ZIC2: variants seen among roughly 807,000 people sequenced by gnomAD.
ZIC2 encodes Zic family zinc finger 2, also known as zinc finger protein ZIC 2.
ZIC2 carries 7 observed loss-of-function variants against 29.5 expected under a neutral mutation model. That is an observed-to-expected ratio of 0.24 (90% CI 0.14 to 0.45). The LOEUF is 0.45. ZIC2 is among the 20% of genes least tolerant of loss of function. ZIC2 has a pLI of 1.00. For synonymous variants in ZIC2, 408 were observed against 354.2 expected, an observed-to-expected ratio of 1.15 and a Z score of -1.70; for missense variants, 589 against 781.2, an observed-to-expected ratio of 0.75 and a Z score of 2.93.
Position 99,982,334 on chromosome 13 carries a change from G to C in ZIC2, c.270G>C (p.Ala90=). The C allele has an allele frequency of 1.4e-6, 2 of 1,465,096 alleles. No homozygotes were observed. Among genetic ancestry groups the C allele is most frequent in the Non-Finnish European group, 1.8e-6 (2 of 1,111,286 alleles). The allele number at this position is 1,465,096 out of a possible 1,614,324, so 90.8% of individuals were successfully genotyped here. A position where few individuals can be genotyped will look rare whatever the true frequency, so the allele number is the denominator to read the frequency against. Residue 90 remains alanine (A), a synonymous_variant, in exon 1 of 3, where the codon GCG becomes GCC. Transcript: ENST00000376335. Reference sequence around the variant, plus strand: ...CCGGCGCCTACCCCGGCTCCGCTGCGGCTGCCGCTGCGGCCGCAGCGCTCG... The same window carrying C: ...CCGGCGCCTACCCCGGCTCCGCTGCCGCTGCCGCTGCGGCCGCAGCGCTCG... ...QGPGAYPGSA[A]AAAAAAALGP...
Position 99,982,808 on chromosome 13 carries a change from G to T in ZIC2, c.744G>T (p.Arg248=), listed in dbSNP as rs773487576. 2.5e-6 allele frequency: 4 copies of T among 1,611,704 alleles called. No individual in the cohort carries two copies. In the South Asian group the frequency reaches 3.3e-5, roughly 13 times the overall value. ...CCGGTGCCTTTTTCCGCTATATGCG[G>T]CAGCAGTGCATCAAGCAGGAGCTAA... ...HHPGAFFRYM[R]QQCIKQELIC... Residue 248 remains arginine, a synonymous_variant, in exon 1 of 3, where the codon CGG becomes CGT. Transcript: ENST00000376335.
chr13:99,985,853 A>T lies in ZIC2; in HGVS notation c.*171A>T, dbSNP rs867490279. On this transcript the variant is annotated 3_prime_UTR_variant, in exon 3 of 3. Transcript: ENST00000376335. The surrounding 1 kb of genome is among the most constrained non-coding windows in gnomAD (Gnocchi z 6.3). ...TTTTTAAAGTTTTTTTTTTTTTTTT[A>T]ATAATAATCTAGGCATGAAGAGCAA... 3.4e-4 allele frequency: 51 copies of T among 149,694 alleles called. No homozygotes were observed. Among genetic ancestry groups the T allele is most frequent in the Admixed American group, 1.0e-3 (12 of 11,764 alleles). The allele number at this position is 149,694 out of a possible 1,614,324, so 9.3% of individuals were successfully genotyped here.
At chr13:99,984,506 G>A (rs753486163) in intron 1 of ZIC2, 18 of 252,136 alleles carry the variant, frequency 7.1e-5, no homozygotes, top group Non-Finnish European at 1.1e-4. Flanking sequence ...ACAACACGTA[G>A]CAACTCCAAA....
At position 99,983,747 on chromosome 13, in the gene ZIC2, G is replaced by T. The variant is rs1195097399; in HGVS notation, c.1075+608G>T. ...AGCAGTTTGTGAAATTCTCTAATGGGCACCACAGAGTTTGCGATTCCCAAC... is the reference window on the plus strand; with the variant it reads ...AGCAGTTTGTGAAATTCTCTAATGGTCACCACAGAGTTTGCGATTCCCAAC... On this transcript the variant is annotated intron_variant, in intron 1 of 2. Transcript: ENST00000376335. This position sits in a 1 kb window ranked among gnomAD's most constrained non-coding sequence, Gnocchi z 4.7. Among the ~76,000 whole-genome samples the T allele has an allele frequency of 6.6e-6, 1 of 152,144 alleles. No individual in the cohort carries two copies. The highest frequency in any genetic ancestry group is 1.5e-5 in the Non-Finnish European group (1 of 68,020).
intron 1 of ZIC2, 183 bp from the exon 2 acceptor site, chr13:99,984,763 A>G: frequency 1.5e-6 from 1 of 659,674 alleles, no homozygotes. Context: ...AATGAGCAGG[A>G]CTGTCGGGCG....
At position 99,986,015 on chromosome 13, in the gene ZIC2, C is replaced by G; in HGVS notation, c.*333C>G. 2.2e-6 allele frequency: 1 copy of G among 455,402 alleles called. No individual in the cohort carries two copies. The highest frequency in any genetic ancestry group is 4.4e-6 in the Non-Finnish European group (1 of 226,820). The allele number at this position is 455,402 out of a possible 1,614,324, so 28.2% of individuals were successfully genotyped here. ...CGTTCTTTCCCACCCTGTTCCCAGT[C>G]TTCTGACAAACTGTGTACATAGCGG... On this transcript the variant is annotated 3_prime_UTR_variant, in exon 3 of 3. Transcript: ENST00000376335.
chr13:99,984,878 C>T (rs561915299), intron 1 of ZIC2, 68 bp from the exon 2 acceptor site: 4 of 1,609,606 alleles, frequency 2.5e-6, no homozygotes, highest in African/African-American at 2.7e-5. Context: ...CCAGCCCCCT[C>T]GCAGCCTGAG....
At position 99,982,263 on chromosome 13, in the gene ZIC2, C is replaced by G; in HGVS notation, c.199C>G (p.His67Asp). The part of the protein sequence containing the change: ...MGAFKLNPGA[H>D]ELSPGQSSAF... ...AGCCTTCAAGCTCAACCCGGGCGCG[C>G]ACGAGCTGTCCCCGGGCCAGAGCTC... The change falls in exon 1 of 3, where the codon CAC becomes GAC. Residue 67 changes from histidine to aspartate, a missense_variant. Physicochemically the swap from His to Asp is moderately conservative, Grantham distance 81. Coordinates refer to ENST00000376335, the MANE Select transcript of ZIC2 (RefSeq NM_007129.5). 6.6e-7 allele frequency: 1 copy of G among 1,505,156 alleles called. No homozygotes were observed. Among genetic ancestry groups the G allele is most frequent in the Non-Finnish European group, 8.8e-7 (1 of 1,132,650 alleles). The allele number at this position is 1,505,156 out of a possible 1,614,324, so 93.2% of individuals were successfully genotyped here.
In ZIC2 at chr13:99,985,775, T is replaced by A; in HGVS notation, c.*93T>A. On this transcript the variant is annotated 3_prime_UTR_variant, in exon 3 of 3. Transcript: ENST00000376335. The surrounding 1 kb of genome is among the most constrained non-coding windows in gnomAD (Gnocchi z 6.3). ...CGAGGGCACCTTGTGATCATGTTGTTAAAATTATGAATCTGATTTTTATGA... is the reference window on the plus strand; with the variant it reads ...CGAGGGCACCTTGTGATCATGTTGTAAAAATTATGAATCTGATTTTTATGA... 1 of 663,482 alleles carries A rather than the reference T, an allele frequency of 1.5e-6. No homozygotes were observed. Among genetic ancestry groups the A allele is most frequent in the Non-Finnish European group, 2.1e-6 (1 of 479,660 alleles). The allele number at this position is 663,482 out of a possible 1,614,324, so 41.1% of individuals were successfully genotyped here.
Position 99,982,805 on chromosome 13 carries a change from G to T in ZIC2, c.741G>T (p.Met247Ile). 6.6e-7 allele frequency: 1 copy of T among 1,505,162 alleles called. No individual in the cohort carries two copies. 93.2% of individuals were successfully genotyped at this position (1,505,162 alleles called of 1,614,324 possible). Residue 247 changes from methionine to isoleucine, a missense_variant, in exon 1 of 3, where the codon ATG becomes ATT. Transcript: ENST00000376335. ...HHHPGAFFRY[M>I]RQQCIKQELI... is the part of the protein sequence containing the mutation. ...ACCCCGGTGCCTTTTTCCGCTATAT[G>T]CGGCAGCAGTGCATCAAGCAGGAGC...
Position 99,985,339 on chromosome 13 carries a change from C to T in ZIC2, c.1256C>T (p.Pro419Leu), listed in dbSNP as rs755198296. The change falls in exon 3 of 3, where the codon CCG (proline) becomes CTG (leucine). Residue 419 changes from proline to leucine, a missense_variant. By Grantham distance (98) the Pro-to-Leu change is moderately conservative. Around this residue, in one of 7 missense-constraint regions of ZIC2, gnomAD observed 36 missense variants for 72.9 expected, o/e 0.49. Transcript: ENST00000376335. This position sits in a 1 kb window ranked among gnomAD's most constrained non-coding sequence, Gnocchi z 6.3. ...RKHMKVHESS[P>L]QGSESSPAAS... ...GTCTTGCAGGTCCATGAGTCCTCCC[C>T]GCAGGGCTCTGAATCCTCCCCGGCC... 114 of 1,598,186 alleles carry T rather than the reference C, an allele frequency of 7.1e-5. No homozygotes were observed. The highest frequency in any genetic ancestry group is 9.5e-5 in the Non-Finnish European group (112 of 1,179,392).
intron 1 of ZIC2, chr13:99,984,174 G>C (rs2053250622): frequency 1.3e-5 from 2 of 152,234 alleles, no homozygotes; most frequent in Non-Finnish European, 2.9e-5. Flanking sequence ...AACGTTAAAC[G>C]GTCCCCTTTC....
At position 99,985,826 on chromosome 13, in the gene ZIC2, A is replaced by AT; in HGVS notation, c.*150dup. On this transcript the variant is annotated 3_prime_UTR_variant, in exon 3 of 3. Transcript: ENST00000376335. The surrounding 1 kb of genome is among the most constrained non-coding windows in gnomAD (Gnocchi z 6.3). ...TGATGAAAATTTTACCAGCAGAAGG[A>AT]TTTTTTAAAGTTTTTTTTTTTTTTT... is the stretch of plus-strand genomic sequence containing the variant. The AT allele has an allele frequency of 3.3e-6, 1 of 299,076 alleles. No homozygotes were observed. The allele number at this position is 299,076 out of a possible 1,614,324, so 18.5% of individuals were successfully genotyped here. A position where few individuals can be genotyped will look rare whatever the true frequency, so the allele number is the denominator to read the frequency against.
In ZIC2 at chr13:99,982,991, C is replaced by G; in HGVS notation, c.927C>G (p.Arg309=). The change falls in exon 1 of 3, where the codon CGC becomes CGG. Residue 309 remains arginine (R), a synonymous_variant. Transcript: ENST00000376335. ...NHVCFWEECP[R]EGKPFKAKYK... Reference sequence around the variant, plus strand: ...TCTGCTTCTGGGAGGAGTGTCCGCGCGAGGGCAAGCCCTTCAAGGCCAAAT... The same window carrying G: ...TCTGCTTCTGGGAGGAGTGTCCGCGGGAGGGCAAGCCCTTCAAGGCCAAAT... 6.2e-7 allele frequency: 1 copy of G among 1,614,126 alleles called. No homozygotes were observed. Among genetic ancestry groups the G allele is most frequent in the Admixed American group, 1.7e-5 (1 of 60,024 alleles).
In ZIC2 at chr13:99,984,862, C is replaced by T. The variant is rs1196991530; in HGVS notation, c.1076-84C>T. 1.3e-5 allele frequency: 21 copies of T among 1,586,278 alleles called. 1 individual carries two copies. The East Asian group carries it at 2.9e-4, about 22-fold the overall frequency. ...GCCCCCTCAGGTCCTTCTCCCTCGC[C>T]GCGGCCCAGCCCCCTCGCAGCCTGA... On this transcript the variant is annotated intron_variant, in intron 1 of 2. Coordinates refer to ENST00000376335, the MANE Select transcript of ZIC2 (RefSeq NM_007129.5).
chr13:99,985,854 A>T lies in ZIC2; in HGVS notation c.*172A>T, dbSNP rs76045202. 60 of 179,634 alleles carry T rather than the reference A, an allele frequency of 3.3e-4. No homozygotes were observed. Among genetic ancestry groups the T allele is most frequent in the Admixed American group, 8.7e-4 (12 of 13,824 alleles). The allele number at this position is 179,634 out of a possible 1,614,324, so 11.1% of individuals were successfully genotyped here. On this transcript the variant is annotated 3_prime_UTR_variant, in exon 3 of 3. Transcript: ENST00000376335. This position sits in a 1 kb window ranked among gnomAD's most constrained non-coding sequence, Gnocchi z 6.3. ...TTTTAAAGTTTTTTTTTTTTTTTTA[A>T]TAATAATCTAGGCATGAAGAGCAAA...
chr13:99,982,261 C>T lies in ZIC2; in HGVS notation c.197C>T (p.Ala66Val). 1 of 1,506,948 alleles carries T rather than the reference C, an allele frequency of 6.6e-7. No homozygotes were observed. The allele number at this position is 1,506,948 out of a possible 1,614,324, so 93.3% of individuals were successfully genotyped here. ...HMGAFKLNPGAHELSPGQSSA... is the reference protein window; with the variant it reads ...HMGAFKLNPGVHELSPGQSSA... ...GGAGCCTTCAAGCTCAACCCGGGCG[C>T]GCACGAGCTGTCCCCGGGCCAGAGC... Residue 66 changes from alanine to valine, a missense_variant, in exon 1 of 3, where the codon GCG becomes GTG. Transcript: ENST00000376335.
chr13:99,985,448 A>AGCG lies in ZIC2; in HGVS notation c.1374_1376dup (p.Ala470dup), dbSNP rs749567106. Reference sequence around the variant, plus strand: ...CCCAGAGCAGCTCCAACCTGTCCCCAGCGGCGGCGGCAGCGGCGGCGGCGG... The same window carrying AGCG: ...CCCAGAGCAGCTCCAACCTGTCCCCAGCGGCGGCGGCGGCAGCGGCGGCGGCGG... On this transcript the variant is annotated inframe_insertion, in exon 3 of 3. Transcript: ENST00000376335. This position sits in a 1 kb window ranked among gnomAD's most constrained non-coding sequence, Gnocchi z 6.3. The AGCG allele has an allele frequency of 1.3e-5, 18 of 1,417,622 alleles. No individual in the cohort carries two copies. The highest frequency in any genetic ancestry group is 1.8e-5 in the South Asian group (1 of 56,148). The allele number at this position is 1,417,622 out of a possible 1,614,324, so 87.8% of individuals were successfully genotyped here. A position where few individuals can be genotyped will look rare whatever the true frequency, so the allele number is the denominator to read the frequency against.
chr13:99,985,580 C>T lies in ZIC2; in HGVS notation c.1497C>T (p.Gly499=), dbSNP rs186543347. 352 of 464,692 alleles carry T rather than the reference C, an allele frequency of 7.6e-4. No individual in the cohort carries two copies. Among genetic ancestry groups the T allele is most frequent in the Non-Finnish European group, 9.7e-4 (344 of 353,156 alleles). The allele number at this position is 464,692 out of a possible 1,614,324, so 28.8% of individuals were successfully genotyped here. ...SGGGSGSGGG[G]GGAGGGGGGS... Reference sequence around the variant, plus strand: ...GCGGCAGCGGCAGTGGCGGGGGCGGCGGCGGGGCGGGCGGCGGGGGCGGCG... The same window carrying T: ...GCGGCAGCGGCAGTGGCGGGGGCGGTGGCGGGGCGGGCGGCGGGGGCGGCG... The change falls in exon 3 of 3, where the codon GGC becomes GGT. Residue 499 remains glycine (G), a synonymous_variant. Transcript: ENST00000376335. This position sits in a 1 kb window ranked among gnomAD's most constrained non-coding sequence, Gnocchi z 6.3.
Sources: allele counts gnomAD v4.1 joint callset (sites outside exome capture counted in the v4.1 genomes callset), GRCh38; gene constraint gnomAD v4.1.1; regional missense constraint gnomAD v4.1.1; non-coding constraint Gnocchi (gnomAD v3.1); transcripts MANE v1.5; gene names NCBI Gene and HGNC (gene_info 2026-07-23, HGNC 2026-07-21).